Variants in KSR2 observed in about 807,000 individuals in gnomAD.
The protein encoded by KSR2 is kinase suppressor of ras 2.
KSR2 carries 25 observed loss-of-function variants against 107.8 expected under a neutral mutation model. That is an observed-to-expected ratio of 0.23 (90% CI 0.17 to 0.32). The LOEUF (loss-of-function observed/expected upper bound fraction) is 0.32, where lower values mean the gene tolerates loss of function less well. Among genes scored for constraint, KSR2 ranks in the 10% least tolerant of loss-of-function variants. KSR2 has a pLI of 1.00. For missense variants in KSR2, 887 were observed against 1,268.9 expected (o/e 0.70, Z 4.57); for synonymous variants, 480 against 507.0 (o/e 0.95, Z 0.71).
intron 10 of KSR2, among the ~76,000 whole-genome samples, chr12:117,536,079 A>G (rs1876032902): frequency 6.6e-6 from 1 of 152,128 alleles, no homozygotes; most frequent in Non-Finnish European, 1.5e-5. Flanking sequence ...GGGTTCTTAT[A>G]TCCTTTTCAC....
intron 1 of KSR2, among the ~76,000 whole-genome samples, chr12:117,914,978 T>C (rs1895133538): frequency 6.6e-6 from 1 of 152,168 alleles, no homozygotes; most frequent in Non-Finnish European, 1.5e-5. Flanking sequence ...CTTAGGTACT[T>C]AAGATCTCAG....
intron 5 of KSR2, among the ~76,000 whole-genome samples, chr12:117,665,956 C>T (rs1390834048): frequency 2.0e-5 from 3 of 152,232 alleles, no homozygotes; most frequent in Non-Finnish European, 4.4e-5. Context: ...CACGCTCATG[C>T]AGCCAGTCTC....
chr12:117,555,396 G>C, intron 8 of KSR2, 103 bp from the exon 9 acceptor site: 1 of 1,138,876 alleles, frequency 8.8e-7, no homozygotes, highest in Non-Finnish European at 1.3e-6. Context: ...CCACCCTCCA[G>C]ACTGGAGGAC....
At chr12:117,583,941 G>A (rs536474090) in intron 5 of KSR2, among the ~76,000 whole-genome samples, 6 of 152,168 alleles carry the variant, frequency 3.9e-5, no homozygotes, top group African/African-American at 1.4e-4. Context: ...CACTCTCTTC[G>A]GGGAGCCGGG....
chr12:117,956,911 T>G (rs1445120179), intron 1 of KSR2, among the ~76,000 whole-genome samples: 1 of 152,266 alleles, frequency 6.6e-6, no homozygotes, highest in African/African-American at 2.4e-5. Flanking sequence ...AGCTCAGGTC[T>G]AAAATATCTC....
intron 14 of KSR2, among the ~76,000 whole-genome samples, chr12:117,499,603 A>G (rs138526941): frequency 6.6e-6 from 1 of 152,276 alleles, no homozygotes; most frequent in East Asian, 1.9e-4. Context: ...CGAGGAGAGG[A>G]AACATTTTTG....
chr12:117,566,399 C>T lies in KSR2; in HGVS notation c.1326-7826G>A, dbSNP rs141888240. ...CCTCCCAAAGTGCTGGGATTACAGG[C>T]GTGAGCCACTGCGCCTGGCCTGCCC... On this transcript the variant is annotated intron_variant, in intron 7 of 19. Transcript: ENST00000339824. 5.9e-5 allele frequency among the ~76,000 whole-genome samples: 9 copies of T among 152,332 alleles called. 1 individual carries two copies. In the South Asian group the frequency reaches 1.4e-3, roughly 25 times the overall value.
chr12:117,856,022 G>C (rs192752019), intron 2 of KSR2, among the ~76,000 whole-genome samples: 26 of 152,210 alleles, frequency 1.7e-4, no homozygotes, highest in African/African-American at 5.5e-4. Context: ...GCTGGTGGCT[G>C]GGTCCCACTC....
intron 3 of KSR2, among the ~76,000 whole-genome samples, chr12:117,786,818 T>G (rs1043013092): frequency 2.7e-5 from 4 of 150,412 alleles, no homozygotes; most frequent in Admixed American, 2.6e-4. Context: ...CTCACTGAGG[T>G]CGGGAGTTCG....
intron 3 of KSR2, among the ~76,000 whole-genome samples, chr12:117,852,930 T>C (rs796223939): frequency 1.1e-4 from 17 of 152,268 alleles, no homozygotes; most frequent in African/African-American, 3.9e-4. Flanking sequence ...GCCTCCCAAA[T>C]AGCTGGGATT....
chr12:117,609,699 T>C (rs185298926), intron 5 of KSR2, among the ~76,000 whole-genome samples: 56 of 152,316 alleles, frequency 3.7e-4, no homozygotes, highest in African/African-American at 1.3e-3. Flanking sequence ...GACAGGGCTC[T>C]CAAGGGTCCT....
chr12:117,674,151 T>G (rs1174353469), intron 4 of KSR2: 1 of 399,830 alleles, frequency 2.5e-6, no homozygotes, highest in Non-Finnish European at 5.0e-6. Context: ...CTTCCCACTT[T>G]TCTGATGCCC....
chr12:117,736,450 T>C (rs1887942038), intron 4 of KSR2, among the ~76,000 whole-genome samples: 1 of 152,204 alleles, frequency 6.6e-6, no homozygotes, highest in Non-Finnish European at 1.5e-5. Flanking sequence ...ATTCGTTGAA[T>C]TTACGTTTCA....
intron 7 of KSR2, among the ~76,000 whole-genome samples, chr12:117,564,935 C>T (rs1026529311): frequency 4.6e-5 from 7 of 152,210 alleles, no homozygotes; most frequent in Non-Finnish European, 1.0e-4. Flanking sequence ...TGCAATGATG[C>T]CCCCTCTGCA....
At chr12:117,772,237 CACAA>C (rs142275860) in intron 3 of KSR2, among the ~76,000 whole-genome samples, 7,534 of 121,724 alleles carry the variant, frequency 0.062, 961 homozygotes, top group African/African-American at 0.19. Flanking sequence ...CCCCCAGACG[CACAA>C]ACACTCACAC....
At chr12:117,471,448 TG>T in intron 17 of KSR2, 128 bp from the exon 18 acceptor site, 2 of 1,012,950 alleles carry the variant, frequency 2.0e-6, no homozygotes, top group Non-Finnish European at 2.8e-6. Context: ...TTCTTCCTCA[TG>T]GGGTTGGTAT....
At chr12:117,673,807 G>A (rs1231531891) in intron 4 of KSR2, among the ~76,000 whole-genome samples, 1 of 152,178 alleles carries the variant, frequency 6.6e-6, no homozygotes, top group Non-Finnish European at 1.5e-5. Context: ...CGTGATCTTT[G>A]TAGGATATTA....
intron 3 of KSR2, among the ~76,000 whole-genome samples, chr12:117,791,064 A>C (rs1347168995): frequency 1.2e-4 from 19 of 152,126 alleles, no homozygotes; most frequent in Admixed American, 1.2e-3. Context: ...CTAATTGCCT[A>C]CAATTCTCTC....
In KSR2 at chr12:117,555,229, T is replaced by C; in HGVS notation, c.1458A>G (p.Pro486=). ...PCDINNPLRK[P]PRYSDLHISQ... Reference sequence around the variant, plus strand: ...TGATGTGCAGGTCTGAATAGCGAGGTGGCTTCCGTAGAGGGTTGTTGATGT... The same window carrying C: ...TGATGTGCAGGTCTGAATAGCGAGGCGGCTTCCGTAGAGGGTTGTTGATGT... Residue 486 remains proline (P), a synonymous_variant, in exon 9 of 20, where the codon CCA becomes CCG. Transcript: ENST00000339824. The C allele has an allele frequency of 1.9e-6, 3 of 1,613,894 alleles. No individual in the cohort carries two copies. The highest frequency in any genetic ancestry group is 2.5e-6 in the Non-Finnish European group (3 of 1,179,808).
Sources: allele counts gnomAD v4.1 joint callset (sites outside exome capture counted in the v4.1 genomes callset), GRCh38; gene constraint gnomAD v4.1.1; transcripts MANE v1.5; gene names NCBI Gene and HGNC (gene_info 2026-07-23, HGNC 2026-07-21).